GALNT13: variants seen among roughly 807,000 people sequenced by gnomAD.
The protein encoded by GALNT13 is polypeptide N-acetylgalactosaminyltransferase 13.
In GALNT13, 28 loss-of-function variants were observed where a neutral mutation model predicts 64.2. The observed-to-expected ratio is 0.44, with a 90% CI of 0.32 to 0.60. The LOEUF is 0.60. Ranked by LOEUF, GALNT13 falls within the 20% of genes least tolerant of loss-of-function variation. The pLI, the probability that GALNT13 is intolerant of heterozygous loss-of-function variation, is 0.05. For synonymous variants in GALNT13, 214 were observed against 224.6 expected (o/e 0.95, Z 0.42); for missense variants, 577 against 669.8 (o/e 0.86, Z 1.53).
At chr2:153,251,285 T>A in the GALNT13 span, among the ~76,000 whole-genome samples, 3 of 152,286 alleles carry the variant, frequency 2.0e-5, no homozygotes, top group Admixed American at 2.0e-4. Context: ...TAATTGTAAT[T>A]GATATGTTAA....
the GALNT13 span, among the ~76,000 whole-genome samples, chr2:153,743,753 C>A: frequency 6.6e-6 from 1 of 152,116 alleles, no homozygotes; most frequent in East Asian, 1.9e-4. Context: ...GTTTTGCAAT[C>A]AAATAGTAAA....
At chr2:154,256,699 T>A (rs1690394715) in intron 7 of GALNT13, among the ~76,000 whole-genome samples, 1 of 152,190 alleles carries the variant, frequency 6.6e-6, no homozygotes, top group South Asian at 2.1e-4. Flanking sequence ...TATTGAGAAC[T>A]GTGTTAAGTG....
At chr2:153,873,895 G>C (rs2105216655) in intron 1 of GALNT13, among the ~76,000 whole-genome samples, 1 of 151,556 alleles carries the variant, frequency 6.6e-6, no homozygotes, top group Admixed American at 6.6e-5. Context: ...TGTCTCGTTT[G>C]CGTTCATGCC....
chr2:154,065,006 A>C (rs2176656), intron 3 of GALNT13, among the ~76,000 whole-genome samples: 114,937 of 151,940 alleles, frequency 0.76, 43,853 homozygotes, highest in East Asian at 0.96. Context: ...GCCCACTGCC[A>C]TGAAGGGTGA....
chr2:153,226,667 A>C, the GALNT13 span, among the ~76,000 whole-genome samples: 1 of 152,222 alleles, frequency 6.6e-6, no homozygotes, highest in African/African-American at 2.4e-5. Context: ...TATCAAAAAC[A>C]AGAAAAATCT....
intron 9 of GALNT13, among the ~76,000 whole-genome samples, chr2:154,329,586 C>T (rs2105188847): frequency 6.6e-6 from 1 of 152,254 alleles, no homozygotes; most frequent in African/African-American, 2.4e-5. Context: ...CTGCAACCCA[C>T]TTCATATCCC....
the GALNT13 span, among the ~76,000 whole-genome samples, chr2:153,212,324 G>A: frequency 2.6e-5 from 4 of 152,028 alleles, no homozygotes; most frequent in Non-Finnish European, 4.4e-5. Flanking sequence ...TTTCTCCTCC[G>A]TCACAGCTTG....
the GALNT13 span, among the ~76,000 whole-genome samples, chr2:153,417,218 G>A: frequency 6.6e-6 from 1 of 152,242 alleles, no homozygotes; most frequent in African/African-American, 2.4e-5. Flanking sequence ...AGGTGGGTAG[G>A]GCTGAAACAG....
At chr2:153,243,061 G>T in the GALNT13 span, among the ~76,000 whole-genome samples, 2 of 152,152 alleles carry the variant, frequency 1.3e-5, no homozygotes, top group African/African-American at 4.8e-5. Context: ...AGTTGTGGAG[G>T]TATATTTGAC....
chr2:153,474,008 G>A, the GALNT13 span, among the ~76,000 whole-genome samples: 2 of 152,162 alleles, frequency 1.3e-5, no homozygotes, highest in South Asian at 2.1e-4. Flanking sequence ...GAGATCATGC[G>A]TAATCGATCA....
At chr2:153,150,501 G>T in the GALNT13 span, among the ~76,000 whole-genome samples, 6 of 151,962 alleles carry the variant, frequency 3.9e-5, no homozygotes, top group African/African-American at 1.5e-4. Flanking sequence ...GTCAATTTTG[G>T]CTTTTGTTGC....
At chr2:153,256,787 CT>C in the GALNT13 span, among the ~76,000 whole-genome samples, 1 of 152,172 alleles carries the variant, frequency 6.6e-6, no homozygotes, top group African/African-American at 2.4e-5. Flanking sequence ...CAGGGACCCC[CT>C]TGAGGAGGCA....
the GALNT13 span, among the ~76,000 whole-genome samples, chr2:153,224,434 C>T: frequency 6.6e-6 from 1 of 152,060 alleles, no homozygotes; most frequent in East Asian, 1.9e-4. Flanking sequence ...CTCAGCATCA[C>T]ACAATATACT....
chr2:153,853,430 A>G, the GALNT13 span, among the ~76,000 whole-genome samples: 1 of 152,118 alleles, frequency 6.6e-6, no homozygotes, highest in Non-Finnish European at 1.5e-5. Flanking sequence ...ATAGTCAAAA[A>G]CTGGAAACAA....
the GALNT13 span, among the ~76,000 whole-genome samples, chr2:153,588,405 T>G: frequency 6.6e-6 from 1 of 152,214 alleles, no homozygotes; most frequent in Non-Finnish European, 1.5e-5. Context: ...ATACATCTTC[T>G]GAAATCCAGC....
At chr2:153,481,238 A>G in the GALNT13 span, among the ~76,000 whole-genome samples, 2 of 152,206 alleles carry the variant, frequency 1.3e-5, no homozygotes, top group Admixed American at 6.5e-5. Flanking sequence ...GAAATTAATT[A>G]TAAACTTAGT....
At chr2:153,576,967 TTCTC>T in the GALNT13 span, among the ~76,000 whole-genome samples, 3 of 152,178 alleles carry the variant, frequency 2.0e-5, no homozygotes, top group African/African-American at 4.8e-5. Context: ...TGTTCCCTGT[TTCTC>T]TCTATTTCAT....
chr2:154,282,706 T>TA (rs898307182), intron 8 of GALNT13, among the ~76,000 whole-genome samples: 6 of 152,036 alleles, frequency 3.9e-5, no homozygotes, highest in Admixed American at 1.3e-4. Context: ...ATATTTTGTT[T>TA]AAAAAAAACA....
chr2:153,845,885 A>G, the GALNT13 span, among the ~76,000 whole-genome samples: 1 of 152,196 alleles, frequency 6.6e-6, no homozygotes, highest in Non-Finnish European at 1.5e-5. Context: ...TCAAAAAAAG[A>G]ATAAACAATA....
Sources: gnomAD v4.1 joint callset for allele counts (sites outside exome capture counted in the v4.1 genomes callset) on GRCh38, gnomAD v4.1.1 for gene constraint, MANE v1.5 for transcripts, NCBI Gene and HGNC (gene_info 2026-07-23, HGNC 2026-07-21) for gene names.